PBX3: variants seen among roughly 807,000 people sequenced by gnomAD.
The protein encoded by PBX3 is pre-B-cell leukemia transcription factor 3.
In PBX3, 14 loss-of-function variants were observed where a neutral mutation model predicts 48.5. The observed-to-expected ratio is 0.29, with a 90% CI of 0.19 to 0.45. PBX3 has a LOEUF of 0.45. Ranked by LOEUF, PBX3 falls within the 20% of genes least tolerant of loss-of-function variation. PBX3 has a pLI of 1.00. For missense variants in PBX3, 386 were observed against 546.7 expected, an observed-to-expected ratio of 0.71 and a Z score of 2.93; for synonymous variants, 210 against 200.3, an observed-to-expected ratio of 1.05 and a Z score of -0.41.
chr9:125,788,169 A>T (rs1381585525), intron 2 of PBX3, among the ~76,000 whole-genome samples: 1 of 152,236 alleles, frequency 6.6e-6, no homozygotes, highest in African/African-American at 2.4e-5. Flanking sequence ...TGTGGAGATC[A>T]TGCTATGGTC....
chr9:125,911,349 G>T (rs961371309), intron 2 of PBX3, among the ~76,000 whole-genome samples: 2 of 151,936 alleles, frequency 1.3e-5, no homozygotes, highest in African/African-American at 4.8e-5. Context: ...CTATAGTTTG[G>T]GTTACACTTC....
chr9:125,827,449 G>A (rs1333450334), intron 2 of PBX3, among the ~76,000 whole-genome samples: 1 of 151,932 alleles, frequency 6.6e-6, no homozygotes, highest in Non-Finnish European at 1.5e-5. Flanking sequence ...CTTATGGTTG[G>A]TACATATTCT....
At chr9:125,922,216 A>G (rs565708039) in intron 3 of PBX3, among the ~76,000 whole-genome samples, 22 of 152,212 alleles carry the variant, frequency 1.4e-4, no homozygotes, top group Non-Finnish European at 3.1e-4. Context: ...TTAAATCCTC[A>G]ATTATTACTT....
At chr9:125,860,979 G>A (rs575092941) in intron 2 of PBX3, among the ~76,000 whole-genome samples, 1 of 150,700 alleles carries the variant, frequency 6.6e-6, no homozygotes, top group East Asian at 2.0e-4. Flanking sequence ...CACTTACTAG[G>A]ATGATTATAA....
chr9:125,838,556 A>G (rs1839203740), intron 2 of PBX3, among the ~76,000 whole-genome samples: 1 of 152,244 alleles, frequency 6.6e-6, no homozygotes, highest in Non-Finnish European at 1.5e-5. Context: ...TGATAGGAAG[A>G]TATACTTTGC....
intron 2 of PBX3, among the ~76,000 whole-genome samples, chr9:125,763,604 A>G (rs1836726193): frequency 1.3e-5 from 2 of 152,234 alleles, no homozygotes; most frequent in Non-Finnish European, 2.9e-5. Flanking sequence ...GTCTCTGCTC[A>G]GTGTAGGGAA....
chr9:125,960,937 C>T, intron 6 of PBX3, 88 bp downstream of exon 6: 1 of 575,816 alleles, frequency 1.7e-6, no homozygotes. Context: ...AAGAGCCATA[C>T]TGAGGACAGA....
chr9:125,922,326 T>C (rs1469697785), intron 3 of PBX3, among the ~76,000 whole-genome samples: 1 of 152,202 alleles, frequency 6.6e-6, no homozygotes, highest in Non-Finnish European at 1.5e-5. Context: ...TTCCATGCCT[T>C]ATGTTAACTG....
intron 2 of PBX3, among the ~76,000 whole-genome samples, chr9:125,779,245 C>CTTTTT (rs34221799): frequency 3.1e-5 from 4 of 127,844 alleles, no homozygotes; most frequent in African/African-American, 9.0e-5. Context: ...AACTTTGTTC[C>CTTTTT]TTTTTTTTTT....
In PBX3 at chr9:125,929,739, A is replaced by G. The variant is rs2132512889; in HGVS notation, c.601A>G (p.Arg201Gly). 6.2e-7 allele frequency: 1 copy of G among 1,613,878 alleles called. No homozygotes were observed. Among genetic ancestry groups the G allele is most frequent in the Non-Finnish European group, 8.5e-7 (1 of 1,179,778 alleles). Reference protein sequence around the residue: ...TRPISPKEIERMVGIIHRKFS... With the variant: ...TRPISPKEIEGMVGIIHRKFS... ...TCCCATTTCTCCAAAAGAGATTGAA[A>G]GAATGGTGGGCATCATCCATCGAAA... The change falls in exon 4 of 9, where the codon AGA (arginine) becomes GGA (glycine). Residue 201 changes from arginine (R) to glycine (G), a missense_variant. This residue lies in a region of PBX3 where 74 missense variants were observed against 206.1 expected (regional missense o/e 0.36). Transcript: ENST00000373489.
intron 2 of PBX3, among the ~76,000 whole-genome samples, chr9:125,907,473 AATTC>A (rs1291087999): frequency 1.3e-5 from 2 of 152,078 alleles, no homozygotes; most frequent in African/African-American, 4.8e-5. Flanking sequence ...AAAAGACTTT[AATTC>A]ATATGATTTA....
Position 125,855,985 on chromosome 9 carries a change from T to G in PBX3, c.275-59701T>G, listed in dbSNP as rs906647946. Among the ~76,000 whole-genome samples the G allele has an allele frequency of 5.3e-5, 8 of 152,008 alleles. No individual in the cohort carries two copies. In the East Asian group the frequency reaches 9.6e-4, roughly 18 times the overall value. On this transcript the variant is annotated intron_variant, in intron 2 of 8. Coordinates refer to ENST00000373489, the MANE Select transcript of PBX3 (RefSeq NM_006195.6). ...TATATGATTTTTTTAAATAAAAAAA[T>G]TTACAACATAATATCATGTCATACA...
intron 2 of PBX3, among the ~76,000 whole-genome samples, chr9:125,801,411 C>G (rs543680854): frequency 6.6e-6 from 1 of 152,166 alleles, no homozygotes; most frequent in Non-Finnish European, 1.5e-5. Context: ...AACTCTGGCT[C>G]CTTTTATTTT....
At chr9:125,912,794 T>C (rs965633239) in intron 2 of PBX3, among the ~76,000 whole-genome samples, 5 of 152,146 alleles carry the variant, frequency 3.3e-5, no homozygotes, top group African/African-American at 9.6e-5. Context: ...TTTGAAGATA[T>C]CAAGATATTT....
chr9:125,760,787 G>A (rs1411300466), intron 2 of PBX3, among the ~76,000 whole-genome samples: 1 of 152,182 alleles, frequency 6.6e-6, no homozygotes. Flanking sequence ...ATGAAGTTAA[G>A]CATGTGTGAA....
intron 2 of PBX3, among the ~76,000 whole-genome samples, chr9:125,805,926 C>T (rs1269379048): frequency 6.6e-6 from 1 of 152,152 alleles, no homozygotes; most frequent in Non-Finnish European, 1.5e-5. Context: ...AATTTCTTAT[C>T]CTAATAGAGC....
chr9:125,767,588 A>G (rs1836832628), intron 2 of PBX3, among the ~76,000 whole-genome samples: 2 of 152,208 alleles, frequency 1.3e-5, no homozygotes, highest in Admixed American at 1.3e-4. Flanking sequence ...CTCACTTTCT[A>G]GAAAAGTGCA....
chr9:125,947,014 A>G (rs1302195016), intron 5 of PBX3, among the ~76,000 whole-genome samples: 4 of 152,324 alleles, frequency 2.6e-5, no homozygotes, highest in Non-Finnish European at 4.4e-5. Context: ...AAGACATAAT[A>G]CAATGGAGTG....
intron 2 of PBX3, among the ~76,000 whole-genome samples, chr9:125,879,212 G>A (rs369077490): frequency 3.3e-5 from 5 of 151,524 alleles, no homozygotes; most frequent in African/African-American, 1.2e-4. Flanking sequence ...TGAGTAGCTG[G>A]GACTACAGGT....
Sources: allele counts gnomAD v4.1 joint callset (sites outside exome capture counted in the v4.1 genomes callset), GRCh38; gene constraint gnomAD v4.1.1; regional missense constraint gnomAD v4.1.1; transcripts MANE v1.5; gene names NCBI Gene and HGNC (gene_info 2026-07-23, HGNC 2026-07-21).